The following TAF1 variants were observed in gnomAD, a reference collection of about 807,000 sequenced individuals.
The protein encoded by TAF1 is TATA-box binding protein associated factor 1.
A neutral mutation model predicts 138.5 loss-of-function variants in TAF1; 2 were observed. The observed-to-expected ratio is 0.01, with a 90% confidence interval of 0.01 to 0.05. The LOEUF (loss-of-function observed/expected upper bound fraction) is 0.05. TAF1 is among the 10% of genes least tolerant of loss of function. The pLI, the probability that TAF1 is intolerant of heterozygous loss-of-function variation, is 1.00. For missense variants in TAF1, 709 were observed against 1,478.0 expected (o/e 0.48, Z 8.53); for synonymous variants, 437 against 503.2 (o/e 0.87, Z 1.76).
intron 13 of TAF1, among the ~76,000 whole-genome samples, chrX:71,511,545 T>G (rs2039731096): frequency 8.9e-6 from 1 of 112,820 alleles, no homozygotes; most frequent in South Asian, 3.6e-4. Context: ...GCAAGACAGC[T>G]GTCTCTCTTC....
intron 32 of TAF1, among the ~76,000 whole-genome samples, chrX:71,452,357 C>T (rs1325539489): frequency 1.8e-5 from 2 of 109,263 alleles, no homozygotes; most frequent in Admixed American, 9.6e-5. Context: ...GGCAGCCGGG[C>T]AGAGACGCTC....
intron 22 of TAF1, among the ~76,000 whole-genome samples, chrX:71,397,019 A>G (rs1337887360): frequency 4.5e-5 from 4 of 89,287 alleles, no homozygotes; most frequent in Non-Finnish European, 8.7e-5. Context: ...AGCGAGAGAG[A>G]TCCTGTCTCA....
At chrX:71,524,716 G>A (rs2039965606) in intron 13 of TAF1, among the ~76,000 whole-genome samples, 1 of 109,332 alleles carries the variant, frequency 9.1e-6, no homozygotes, top group South Asian at 4.0e-4. Flanking sequence ...GCCAAGGAGG[G>A]CGGATCACGA....
At chrX:71,379,830 G>A (rs1016347496) in intron 8 of TAF1, among the ~76,000 whole-genome samples, 34 of 110,178 alleles carry the variant, frequency 3.1e-4, no homozygotes, top group Non-Finnish European at 3.4e-4. Flanking sequence ...TCGAACTCCC[G>A]ACCTTAGGTG....
rs1034312645 is a variant in TAF1 at position 71,373,509 on chromosome X, T to TG, written c.353-1653dup. 2.7e-5 allele frequency among the ~76,000 whole-genome samples: 3 copies of TG among 111,156 alleles called. No individual in the cohort carries two copies. In the Admixed American group the frequency reaches 2.9e-4, roughly 11 times the overall value. On this transcript the variant is annotated intron_variant, in intron 3 of 37. Coordinates refer to ENST00000423759, the MANE Select transcript of TAF1 (RefSeq NM_004606.5). ...AATGATCAATTGGATAAATGTATATTGGGGGTTATGAGATTGATGAAGGAG... is the reference window on the plus strand; with the variant it reads ...AATGATCAATTGGATAAATGTATATTGGGGGGTTATGAGATTGATGAAGGAG...
chrX:71,379,681 C>T lies in TAF1; in HGVS notation c.1360+650C>T, dbSNP rs770568518. Reference sequence around the variant, plus strand: ...GTAGTGGCGCAATCTCAGCTCACTGCAATCTCTCCCTCCTGGGCTCAGGCG... The same window carrying T: ...GTAGTGGCGCAATCTCAGCTCACTGTAATCTCTCCCTCCTGGGCTCAGGCG... On this transcript the variant is annotated intron_variant, in intron 8 of 37. Coordinates refer to ENST00000423759, the MANE Select transcript of TAF1 (RefSeq NM_004606.5). 2.9e-5 allele frequency among the ~76,000 whole-genome samples: 3 copies of T among 103,833 alleles called. No homozygotes were observed. The Admixed American group carries it at 3.2e-4, about 11-fold the overall frequency. 90.2% of individuals were successfully genotyped at this position (103,833 alleles called of 115,157 possible).
In TAF1 at chrX:71,406,755, G is replaced by A. The variant is rs1224746924; in HGVS notation, c.4107+9G>A. 1.7e-6 allele frequency: 2 copies of A among 1,181,799 alleles called. No individual in the cohort carries two copies. Among genetic ancestry groups the A allele is most frequent in the Admixed American group, 2.2e-5 (1 of 45,225 alleles). On this transcript the variant is annotated intron_variant, in intron 26 of 37. Coordinates refer to ENST00000423759, the MANE Select transcript of TAF1 (RefSeq NM_004606.5). The stretch of plus-strand genomic sequence containing the variant: ...ACTGTGACTATTTGAATGTGAGTAT[G>A]TGCATTGCTTCCTTCTGATTAGGTA...
intron 18 of TAF1, among the ~76,000 whole-genome samples, chrX:71,391,320 A>C (rs1467376132): frequency 9.0e-6 from 1 of 111,718 alleles, no homozygotes; most frequent in Non-Finnish European, 1.9e-5. Flanking sequence ...GAGTGAGTAA[A>C]GAATCGTTGT....
intron 28 of TAF1, among the ~76,000 whole-genome samples, chrX:71,410,314 G>A (rs1484229093): frequency 1.8e-5 from 2 of 109,253 alleles, no homozygotes; most frequent in African/African-American, 6.7e-5. Context: ...TTTTTTTTAT[G>A]ATGAGGTGAT....
chrX:71,484,915 C>T lies in TAF1; in HGVS notation c.1366+24112C>T, dbSNP rs1461760471. The T allele has an allele frequency of 5.3e-5, 6 of 112,181 alleles. No individual in the cohort carries two copies. In the Admixed American group the frequency reaches 5.7e-4, roughly 11 times the overall value. 9.2% of individuals were successfully genotyped at this position (112,181 alleles called of 1,213,427 possible). ...AACTTCAATACCCTGATGAAACCAG[C>T]TGCTGTGTTGTTGTGAGCTCCCCTG... On this transcript the variant is annotated intron_variant and NMD_transcript_variant, in intron 13 of 14. Transcript: ENST00000373775.
At chrX:71,435,334 A>G (rs186184521) in intron 32 of TAF1, among the ~76,000 whole-genome samples, 1 of 112,321 alleles carries the variant, frequency 8.9e-6, no homozygotes, top group Non-Finnish European at 1.9e-5. Context: ...TTTGCCTGAC[A>G]TTCTGGAGTC....
At chrX:71,437,649 CA>C (rs769364946) in intron 32 of TAF1, among the ~76,000 whole-genome samples, 695 of 61,155 alleles carry the variant, frequency 0.011, no homozygotes, top group Admixed American at 0.015. Context: ...ACTCTGTCTC[CA>C]AAAAAAAAAA....
chrX:71,451,759 C>T (rs1298777162), intron 32 of TAF1, among the ~76,000 whole-genome samples: 1 of 110,492 alleles, frequency 9.1e-6, no homozygotes, highest in Non-Finnish European at 1.9e-5. Flanking sequence ...CCTGAGTGGA[C>T]ACAGCACATG....
intron 13 of TAF1, among the ~76,000 whole-genome samples, chrX:71,500,870 C>T (rs1377584464): frequency 4.6e-5 from 5 of 109,227 alleles, no homozygotes; most frequent in African/African-American, 1.3e-4. Context: ...CGAGATCAGC[C>T]TGGCCAACAT....
chrX:71,428,698 T>TA (rs1049011836), intron 32 of TAF1, among the ~76,000 whole-genome samples: 5 of 112,089 alleles, frequency 4.5e-5, no homozygotes, highest in African/African-American at 1.6e-4. Context: ...GGGATGATGT[T>TA]ATAGTGCCAT....
chrX:71,396,592 T>A (rs1356649123), intron 22 of TAF1, among the ~76,000 whole-genome samples: 1 of 111,788 alleles, frequency 8.9e-6, no homozygotes, highest in Non-Finnish European at 1.9e-5. Flanking sequence ...GTACTCGGCC[T>A]TGTGTGCTTT....
chrX:71,519,697 G>A (rs1446898230), intron 13 of TAF1, among the ~76,000 whole-genome samples: 1 of 111,946 alleles, frequency 8.9e-6, no homozygotes, highest in East Asian at 2.8e-4. Flanking sequence ...TTATAAAAAG[G>A]TTAAAGAGTA....
In TAF1 at chrX:71,464,312, C is replaced by T. The variant is rs2038673628; in HGVS notation, c.*266C>T. The T allele has an allele frequency of 2.6e-6, 1 of 390,287 alleles. No homozygotes were observed. The highest frequency in any genetic ancestry group is 2.5e-5 in the African/African-American group (1 of 39,304). The allele number at this position is 390,287 out of a possible 1,213,427, so 32.2% of individuals were successfully genotyped here. On this transcript the variant is annotated 3_prime_UTR_variant, in exon 38 of 38. Transcript: ENST00000423759. ...GAGCAAGCTCATTTTTCCGTGTCCTCCTTTATTTAACTCCATTTATTGCTT... is the reference window on the plus strand; with the variant it reads ...GAGCAAGCTCATTTTTCCGTGTCCTTCTTTATTTAACTCCATTTATTGCTT...
chrX:71,445,465 C>T (rs916589163), intron 32 of TAF1, among the ~76,000 whole-genome samples: 6 of 111,222 alleles, frequency 5.4e-5, no homozygotes, highest in Non-Finnish European at 1.1e-4. Flanking sequence ...CTTTTTTTGC[C>T]TATGGATGTC....
Sources: allele counts gnomAD v4.1 joint callset (sites outside exome capture counted in the v4.1 genomes callset), GRCh38; gene constraint gnomAD v4.1.1; transcripts MANE v1.5; gene names NCBI Gene and HGNC (gene_info 2026-07-23, HGNC 2026-07-21).